The following CSGALNACT1 variants were observed in gnomAD, a reference collection of about 807,000 sequenced individuals.
CSGALNACT1 encodes chondroitin sulfate N-acetylgalactosaminyltransferase 1.
CSGALNACT1 carries 52 observed loss-of-function variants against 51.0 expected under a neutral mutation model. That is an observed-to-expected ratio of 1.02 (90% CI 0.82 to 1.29). The LOEUF is 1.29. Among genes scored for constraint, CSGALNACT1 ranks in the 50% most tolerant of loss-of-function variants. The pLI is 0.00. For missense variants in CSGALNACT1, 935 were observed against 679.2 expected, an observed-to-expected ratio of 1.38 and a Z score of -4.19; for synonymous variants, 341 against 254.4, an observed-to-expected ratio of 1.34 and a Z score of -3.24.
intron 3 of CSGALNACT1, among the ~76,000 whole-genome samples, chr8:19,569,916 C>G (rs1463790810): frequency 6.6e-6 from 1 of 152,180 alleles, no homozygotes; most frequent in African/African-American, 2.4e-5. Context: ...AGATCAATCT[C>G]AGAGACACAA....
intron 4 of CSGALNACT1, among the ~76,000 whole-genome samples, chr8:19,477,502 T>C (rs1442814439): frequency 2.6e-5 from 4 of 152,218 alleles, no homozygotes; most frequent in African/African-American, 7.2e-5. Flanking sequence ...CTGATAGTTA[T>C]CTTTAATTTA....
chr8:19,714,754 ATT>A (rs34963187), intron 1 of CSGALNACT1, among the ~76,000 whole-genome samples: 69 of 145,826 alleles, frequency 4.7e-4, no homozygotes, highest in East Asian at 3.0e-3. Context: ...CTCCTGGGAT[ATT>A]TTTTTTTTTT....
chr8:19,458,769 T>C (rs2064707596), intron 4 of CSGALNACT1, 127 bp from the exon 4 acceptor site: 2 of 903,418 alleles, frequency 2.2e-6, no homozygotes, highest in Non-Finnish European at 3.5e-6. Flanking sequence ...CAACAATTAT[T>C]CGAAAATTCA....
At chr8:19,411,832 C>A (rs2055818184) in intron 8 of CSGALNACT1, among the ~76,000 whole-genome samples, 1 of 133,616 alleles carries the variant, frequency 7.5e-6, no homozygotes, top group Admixed American at 7.3e-5. Context: ...GCACTATCCT[C>A]CTTTTTTTTT....
chr8:19,582,415 C>T (rs1488299028), intron 3 of CSGALNACT1, among the ~76,000 whole-genome samples: 2 of 152,096 alleles, frequency 1.3e-5, no homozygotes, highest in Non-Finnish European at 1.5e-5. Flanking sequence ...TGCTTATTTC[C>T]CCTCAAAGTC....
chr8:19,457,260 G>C (rs531600946), intron 5 of CSGALNACT1, among the ~76,000 whole-genome samples: 63 of 152,250 alleles, frequency 4.1e-4, no homozygotes, highest in African/African-American at 1.5e-3. Context: ...AATTTTGAAA[G>C]GTATCAACCA....
At chr8:19,599,540 AAGG>A (rs1342507735) in intron 2 of CSGALNACT1, among the ~76,000 whole-genome samples, 1 of 150,152 alleles carries the variant, frequency 6.7e-6, no homozygotes, top group Non-Finnish European at 1.5e-5. Context: ...AAAGAAAAAG[AAGG>A]AAAGAAAGAA....
intron 4 of CSGALNACT1, among the ~76,000 whole-genome samples, chr8:19,502,647 G>A (rs1304892494): frequency 1.3e-5 from 2 of 152,128 alleles, no homozygotes; most frequent in African/African-American, 4.8e-5. Flanking sequence ...ATGGATTACT[G>A]AAACCCAAAA....
chr8:19,420,488 G>C (rs775352955), exon 7 of CSGALNACT1: 1 of 1,614,140 alleles, frequency 6.2e-7, no homozygotes. Flanking sequence ...CATTCAGCTG[G>C]ATGAAGGTAA....
At chr8:19,503,325 A>G (rs1350358878) in intron 4 of CSGALNACT1, among the ~76,000 whole-genome samples, 1 of 152,232 alleles carries the variant, frequency 6.6e-6, no homozygotes, top group East Asian at 1.9e-4. Flanking sequence ...AAGGTCAGCC[A>G]AGCCTCAGAG....
chr8:19,477,337 C>T (rs1004667071), intron 4 of CSGALNACT1, among the ~76,000 whole-genome samples: 2 of 152,184 alleles, frequency 1.3e-5, no homozygotes, highest in African/African-American at 4.8e-5. Context: ...CCACTAAACA[C>T]GTGGACAAAT....
chr8:19,530,311 T>C (rs73212594), intron 3 of CSGALNACT1, among the ~76,000 whole-genome samples: 107 of 59,784 alleles, frequency 1.8e-3, no homozygotes, highest in East Asian at 0.017. Context: ...TGTGTACACA[T>C]ACACACACAC....
chr8:19,604,249 G>A (rs2051023116), upstream of CSGALNACT1, among the ~76,000 whole-genome samples: 1 of 152,152 alleles, frequency 6.6e-6, no homozygotes, highest in South Asian at 2.1e-4. Flanking sequence ...GAGGTGACCT[G>A]CAGGTATACT....
chr8:19,744,876 G>A (rs1413141432), intron 1 of CSGALNACT1, among the ~76,000 whole-genome samples: 1 of 152,112 alleles, frequency 6.6e-6, no homozygotes, highest in Non-Finnish European at 1.5e-5. Context: ...CCACACTTTT[G>A]GGAAGACATT....
chr8:19,743,823 C>G (rs2064468166), intron 1 of CSGALNACT1, among the ~76,000 whole-genome samples: 4 of 152,166 alleles, frequency 2.6e-5, no homozygotes, highest in Admixed American at 2.6e-4. Context: ...AAAATGCAAA[C>G]TATAGATGAT....
intron 1 of CSGALNACT1, among the ~76,000 whole-genome samples, chr8:19,754,506 T>C (rs1419758577): frequency 6.6e-6 from 1 of 152,172 alleles, no homozygotes; most frequent in Non-Finnish European, 1.5e-5. Flanking sequence ...ATGAAAACCA[T>C]ATACATATAT....
intron 1 of CSGALNACT1, among the ~76,000 whole-genome samples, chr8:19,756,290 A>T (rs1001588925): frequency 1.3e-5 from 2 of 152,160 alleles, no homozygotes; most frequent in African/African-American, 4.8e-5. Flanking sequence ...TAATGACGTT[A>T]AGTAAAAACT....
chr8:19,418,534 TA>T, intron 8 of CSGALNACT1, 121 bp downstream of exon 7: 1 of 751,908 alleles, frequency 1.3e-6, no homozygotes, highest in Non-Finnish European at 2.4e-6. Flanking sequence ...CTGCCAAACG[TA>T]AAAACTACTA....
In CSGALNACT1 at chr8:19,695,107, T is replaced by A. The variant is rs2061521952; in HGVS notation, c.-297+62743A>T. Among the ~76,000 whole-genome samples, 3 of 152,198 alleles carry A rather than the reference T, an allele frequency of 2.0e-5. No homozygotes were observed. The South Asian group carries it at 6.2e-4, about 31-fold the overall frequency. On this transcript the variant is annotated intron_variant, in intron 1 of 1. Coordinates refer to the CSGALNACT1 transcript ENST00000517494. Reference sequence around the variant, plus strand: ...CAGCACCCAACATTGTTCACAATAATGTTAAGCTCCAACAAAATCTCCCTA... The same window carrying A: ...CAGCACCCAACATTGTTCACAATAAAGTTAAGCTCCAACAAAATCTCCCTA...
Sources: allele counts gnomAD v4.1 joint callset (sites outside exome capture counted in the v4.1 genomes callset), GRCh38; gene constraint gnomAD v4.1.1; transcripts MANE v1.5; gene names NCBI Gene and HGNC (gene_info 2026-07-23, HGNC 2026-07-21).